Variants in ENPP6 observed in about 807,000 individuals in gnomAD.
The protein encoded by ENPP6 is glycerophosphocholine cholinephosphodiesterase ENPP6.
In ENPP6, 32 loss-of-function variants were observed where a neutral mutation model predicts 42.0. The ratio of observed to expected loss-of-function variants is 0.76; its 90% CI spans 0.58 to 1.02. ENPP6 has a LOEUF of 1.02. ENPP6 is among the 50% of genes least tolerant of loss of function. ENPP6 has a pLI of 0.00. For synonymous variants in ENPP6, 213 were observed against 216.0 expected (o/e 0.99, Z 0.12); for missense variants, 552 against 566.8 (o/e 0.97, Z 0.27).
chr4:184,101,800 A>G (rs991388672), intron 6 of ENPP6, among the ~76,000 whole-genome samples: 6 of 152,210 alleles, frequency 3.9e-5, no homozygotes, highest in South Asian at 2.1e-4. Context: ...CCCCTCCTCT[A>G]GACAGGGGTA....
intron 1 of ENPP6, among the ~76,000 whole-genome samples, chr4:184,167,978 T>C (rs556115345): frequency 1.3e-4 from 20 of 152,288 alleles, no homozygotes; most frequent in African/African-American, 4.6e-4. Flanking sequence ...CTTCTGATAG[T>C]TTCCCAGTCC....
chr4:184,137,322 C>T (rs914084005), intron 2 of ENPP6, among the ~76,000 whole-genome samples: 1 of 152,178 alleles, frequency 6.6e-6, no homozygotes, highest in Admixed American at 6.5e-5. Flanking sequence ...GTCTCGAACA[C>T]CTTACCTCAA....
intron 1 of ENPP6, among the ~76,000 whole-genome samples, chr4:184,162,327 C>G (rs918436049): frequency 6.6e-6 from 1 of 152,064 alleles, no homozygotes; most frequent in East Asian, 1.9e-4. Context: ...GAAGAAACTT[C>G]AAATGCATGA....
intron 1 of ENPP6, among the ~76,000 whole-genome samples, chr4:184,164,350 C>T (rs757910393): frequency 6.6e-6 from 1 of 152,130 alleles, no homozygotes; most frequent in Non-Finnish European, 1.5e-5. Flanking sequence ...GTGTTGAAAT[C>T]CTCACCCCAG....
intron 1 of ENPP6, among the ~76,000 whole-genome samples, chr4:184,195,655 C>T (rs1352395024): frequency 6.6e-6 from 1 of 152,184 alleles, no homozygotes; most frequent in Non-Finnish European, 1.5e-5. Flanking sequence ...TTTGACCACT[C>T]TAGGTAACCT....
intron 6 of ENPP6, among the ~76,000 whole-genome samples, chr4:184,101,920 G>A (rs1407005056): frequency 6.6e-6 from 1 of 152,170 alleles, no homozygotes; most frequent in East Asian, 1.9e-4. Flanking sequence ...GTGAGAAGCC[G>A]CTGCGAGGGT....
At chr4:184,138,304 G>A (rs1736764333) in intron 2 of ENPP6, among the ~76,000 whole-genome samples, 1 of 152,134 alleles carries the variant, frequency 6.6e-6, no homozygotes, top group South Asian at 2.1e-4. Flanking sequence ...TTAATTCTTT[G>A]AACTGCTTCT....
At chr4:184,199,080 G>A (rs533391311) in intron 1 of ENPP6, among the ~76,000 whole-genome samples, 4 of 152,348 alleles carry the variant, frequency 2.6e-5, no homozygotes, top group Admixed American at 6.5e-5. Flanking sequence ...AAGGGAACAC[G>A]CATGAATGGT....
intron 2 of ENPP6, among the ~76,000 whole-genome samples, chr4:184,132,225 G>A (rs959540227): frequency 2.6e-5 from 4 of 151,924 alleles, no homozygotes; most frequent in African/African-American, 9.7e-5. Context: ...CCCTCTACCC[G>A]TCAAGTTGAC....
intron 2 of ENPP6, among the ~76,000 whole-genome samples, chr4:184,137,390 C>A (rs546490741): frequency 2.0e-5 from 3 of 152,252 alleles, no homozygotes; most frequent in African/African-American, 7.2e-5. Context: ...AGCCACTGTG[C>A]CCGGCCTATA....
chr4:184,205,767 G>C (rs551609864), intron 1 of ENPP6, among the ~76,000 whole-genome samples: 23 of 152,342 alleles, frequency 1.5e-4, no homozygotes, highest in African/African-American at 5.5e-4. Flanking sequence ...GTCAGCAATG[G>C]AGGTTGGGGG....
intron 2 of ENPP6, 122 bp from the exon 3 acceptor site, chr4:184,124,394 T>A (rs1466861070): frequency 1.4e-6 from 1 of 693,442 alleles, no homozygotes. Flanking sequence ...AGTATTTTTA[T>A]GAACTAAAAT....
chr4:184,184,137 T>C lies in ENPP6; in HGVS notation c.242-30404A>G, dbSNP rs1379270181. Among the ~76,000 whole-genome samples the C allele has an allele frequency of 6.6e-6, 1 of 152,118 alleles. No homozygotes were observed. The highest frequency in any genetic ancestry group is 1.5e-5 in the Non-Finnish European group (1 of 68,018). ...CTAGCATGTTAAACCACTGAGATGT[T>C]AGAGTGTGAGTGAACAGCGGTAAGT... On this transcript the variant is annotated intron_variant, in intron 1 of 7. Transcript: ENST00000296741. The surrounding 1 kb of genome is among the most constrained non-coding windows in gnomAD (Gnocchi z 4.7).
intron 6 of ENPP6, among the ~76,000 whole-genome samples, chr4:184,104,253 A>G (rs1736051848): frequency 6.6e-6 from 1 of 152,230 alleles, no homozygotes; most frequent in African/African-American, 2.4e-5. Context: ...TTTTGAGTCC[A>G]GGCCTCACAG....
Position 184,097,455 on chromosome 4 carries a change from G to A in ENPP6, c.994-87C>T. The A allele has an allele frequency of 2.6e-6, 4 of 1,568,360 alleles. No homozygotes were observed. The South Asian group carries it at 4.6e-5, about 18-fold the overall frequency. On this transcript the variant is annotated intron_variant, in intron 6 of 7. Transcript: ENST00000296741. ...TGCTCCAAGCCGCCACTCCACCGGG[G>A]GGCGCTTTCCTCCTCTGCGCTCCGA...
intron 2 of ENPP6, among the ~76,000 whole-genome samples, chr4:184,132,397 CT>C (rs34572699): frequency 0.62 from 94,158 of 151,720 alleles, 29,713 homozygotes; most frequent in Non-Finnish European, 0.68. Flanking sequence ...ATTGAGTTGA[CT>C]TTTTCCTTTT....
intron 1 of ENPP6, among the ~76,000 whole-genome samples, chr4:184,205,900 C>A (rs1176652523): frequency 6.6e-6 from 1 of 152,130 alleles, no homozygotes; most frequent in East Asian, 1.9e-4. Context: ...TAAAAGGAAA[C>A]TGAGAGAGGA....
At chr4:184,116,590 G>A (rs1736317585) in intron 5 of ENPP6, among the ~76,000 whole-genome samples, 1 of 152,042 alleles carries the variant, frequency 6.6e-6, no homozygotes, top group Non-Finnish European at 1.5e-5. Context: ...AAAATTAGCC[G>A]GGCATGGTGG....
In ENPP6 at chr4:184,116,926, T is replaced by C. The variant is rs1736324242; in HGVS notation, c.785A>G (p.Asn262Ser). The C allele has an allele frequency of 6.2e-7, 1 of 1,614,102 alleles. No individual in the cohort carries two copies. The highest frequency in any genetic ancestry group is 1.7e-5 in the Admixed American group (1 of 60,006). Residue 262 changes from asparagine to serine, a missense_variant, in exon 5 of 8, where the codon AAT (asparagine) becomes AGT (serine). Physicochemically the swap from Asn to Ser is conservative, Grantham distance 46. Around this residue, in one of 2 missense-constraint regions of ENPP6, gnomAD observed 545 missense variants for 546.3 expected, o/e 1.00. Coordinates refer to ENST00000296741, the MANE Select transcript of ENPP6 (RefSeq NM_153343.4). Reference protein sequence around the residue: ...VIELNKYISLNDLQQVKDRGP... With the variant: ...VIELNKYISLSDLQQVKDRGP... ...GCGGTCCTTCACTTGCTGCAGGTCA[T>C]TCAGGCTGATGTACTTATTCAGCTC... is the stretch of plus-strand genomic sequence containing the variant.
Sources: gnomAD v4.1 joint callset for allele counts (sites outside exome capture counted in the v4.1 genomes callset) on GRCh38, gnomAD v4.1.1 for gene constraint, gnomAD v4.1.1 regional missense constraint, Gnocchi (gnomAD v3.1) non-coding constraint, MANE v1.5 for transcripts, NCBI Gene and HGNC (gene_info 2026-07-23, HGNC 2026-07-21) for gene names.